Variants in ARMC2 observed in about 807,000 individuals in gnomAD.
The protein encoded by ARMC2 is armadillo repeat containing 2.
A neutral mutation model predicts 90.3 loss-of-function variants in ARMC2; 67 were observed. The ratio of observed to expected loss-of-function variants is 0.74; its 90% CI spans 0.61 to 0.91. The LOEUF is 0.91. ARMC2 is among the 40% of genes least tolerant of loss of function. The pLI is 0.00. For synonymous variants in ARMC2, 393 were observed against 393.0 expected, an observed-to-expected ratio of 1.00 and a Z score of 0.00; for missense variants, 920 against 1,030.9, an observed-to-expected ratio of 0.89 and a Z score of 1.47.
At chr6:108,945,565 A>C (rs921982362) in intron 12 of ARMC2, among the ~76,000 whole-genome samples, 11 of 152,114 alleles carry the variant, frequency 7.2e-5, no homozygotes, top group African/African-American at 2.2e-4. Context: ...GCCTTTGCAA[A>C]CCCTGGGAAC....
At chr6:108,869,103 TTAAC>T in intron 4 of ARMC2, 108 bp downstream of exon 4, 1 of 1,198,250 alleles carries the variant, frequency 8.3e-7, no homozygotes, top group African/African-American at 1.5e-5. Context: ...GATTTTTATA[TTAAC>T]TAAGATTAGT....
chr6:108,953,778 T>G (rs1011865865), intron 13 of ARMC2, among the ~76,000 whole-genome samples: 1 of 152,232 alleles, frequency 6.6e-6, no homozygotes, highest in Non-Finnish European at 1.5e-5. Flanking sequence ...ATTCCTTTTT[T>G]TTCCTCTTCA....
intron 5 of ARMC2, among the ~76,000 whole-genome samples, chr6:108,893,522 G>A (rs962240598): frequency 3.3e-5 from 5 of 152,164 alleles, no homozygotes; most frequent in Admixed American, 1.3e-4. Flanking sequence ...CAAAGGCTAA[G>A]CTTTTGTAAT....
chr6:108,934,122 A>G (rs563737222), intron 11 of ARMC2, among the ~76,000 whole-genome samples: 1 of 152,280 alleles, frequency 6.6e-6, no homozygotes, highest in East Asian at 1.9e-4. Context: ...TCAGCCTCCC[A>G]AAGTGCTGGA....
chr6:109,031,690 C>A, the ARMC2 span, among the ~76,000 whole-genome samples: 1 of 152,128 alleles, frequency 6.6e-6, no homozygotes, highest in African/African-American at 2.4e-5. Flanking sequence ...TGAAAGCTCC[C>A]AGGGTAGGAA....
intron 15 of ARMC2, among the ~76,000 whole-genome samples, chr6:108,962,555 C>G (rs1177522221): frequency 4.6e-5 from 7 of 152,086 alleles, no homozygotes; most frequent in Non-Finnish European, 1.0e-4. Context: ...CATTTAAAAG[C>G]AATAGGAGGA....
the ARMC2 span, among the ~76,000 whole-genome samples, chr6:109,038,960 G>A: frequency 6.9e-6 from 1 of 145,166 alleles, no homozygotes; most frequent in East Asian, 2.0e-4. Flanking sequence ...AAGGGAGAAG[G>A]GAGAAGAAGG....
At chr6:108,907,885 G>A (rs766955089) in intron 8 of ARMC2, 8 of 1,603,304 alleles carry the variant, frequency 5.0e-6, no homozygotes, top group South Asian at 3.3e-5. Context: ...TAGAGTCCTG[G>A]TGTCCGCTGT....
chr6:109,051,539 G>A, the ARMC2 span, among the ~76,000 whole-genome samples: 4 of 152,090 alleles, frequency 2.6e-5, no homozygotes, highest in Non-Finnish European at 5.9e-5. Context: ...CAAAGATGGG[G>A]TTCTAAAGTA....
intron 8 of ARMC2, among the ~76,000 whole-genome samples, chr6:108,907,035 G>T (rs571767765): frequency 6.6e-6 from 1 of 152,070 alleles, no homozygotes; most frequent in East Asian, 1.9e-4. Context: ...ATAATTTTAC[G>T]GTTAACAATG....
At chr6:109,035,074 A>G in the ARMC2 span, among the ~76,000 whole-genome samples, 3 of 152,116 alleles carry the variant, frequency 2.0e-5, no homozygotes, top group Non-Finnish European at 2.9e-5. Flanking sequence ...ATGTTAAGGG[A>G]GAGAAAAGGG....
At chr6:108,885,369 T>C (rs1777985337) in intron 5 of ARMC2, among the ~76,000 whole-genome samples, 1 of 152,134 alleles carries the variant, frequency 6.6e-6, no homozygotes, top group Non-Finnish European at 1.5e-5. Context: ...AGTGTTTGTG[T>C]ATAGCTGTTT....
intron 4 of ARMC2, among the ~76,000 whole-genome samples, chr6:108,871,046 C>T: frequency 6.6e-6 from 1 of 152,116 alleles, no homozygotes; most frequent in Non-Finnish European, 1.5e-5. Flanking sequence ...AGGAAGGTGC[C>T]TCATGAGAAG....
chr6:108,931,683 C>T (rs1775573520), intron 11 of ARMC2, among the ~76,000 whole-genome samples: 1 of 151,246 alleles, frequency 6.6e-6, no homozygotes, highest in Non-Finnish European at 1.5e-5. Context: ...TTGTATTTCT[C>T]TATGATACTG....
At chr6:108,901,131 T>G (rs1772100480) in intron 7 of ARMC2, among the ~76,000 whole-genome samples, 1 of 122,022 alleles carries the variant, frequency 8.2e-6, no homozygotes, top group South Asian at 2.8e-4. Flanking sequence ...TTTTTTTTTT[T>G]TTTTGAGACA....
intron 17 of ARMC2, among the ~76,000 whole-genome samples, chr6:108,973,145 A>T (rs1247207865): frequency 2.0e-5 from 3 of 152,114 alleles, no homozygotes; most frequent in African/African-American, 7.2e-5. Context: ...TGGGTAATAC[A>T]TGGAGACCCT....
rs1420230001 is a variant in ARMC2, at chr6:108,964,215, C to T, written c.2188C>T (p.His730Tyr). The T allele has an allele frequency of 6.2e-7, 1 of 1,613,964 alleles. No homozygotes were observed. The highest frequency in any genetic ancestry group is 1.7e-5 in the Admixed American group (1 of 60,012). ...RFMMALLDAQHQDICFSACGV... is the reference protein window; with the variant it reads ...RFMMALLDAQYQDICFSACGV... ...CATGATGGCGCTGCTGGATGCTCAG[C>T]ATCAGGATATCTGCTTTTCTGCCTG... The change falls in exon 16 of 18, where the codon CAT becomes TAT. Residue 730 changes from histidine (H) to tyrosine (Y), a missense_variant. By Grantham distance (83) the His-to-Tyr change is moderately conservative (BLOSUM62 2). Coordinates refer to ENST00000392644, the MANE Select transcript of ARMC2 (RefSeq NM_032131.6).
chr6:108,999,271 G>A, the ARMC2 span: 5 of 152,320 alleles, frequency 3.3e-5, no homozygotes, highest in African/African-American at 9.7e-5. Flanking sequence ...TCAATTCTGT[G>A]TCACTTCTGC....
the ARMC2 span, among the ~76,000 whole-genome samples, chr6:108,996,565 A>G: frequency 1.3e-5 from 2 of 152,202 alleles, no homozygotes; most frequent in Admixed American, 1.3e-4. Flanking sequence ...TTGATAAATT[A>G]TATTGAAATA....
Sources: gnomAD v4.1 joint callset for allele counts (sites outside exome capture counted in the v4.1 genomes callset) on GRCh38, gnomAD v4.1.1 for gene constraint, MANE v1.5 for transcripts, NCBI Gene and HGNC (gene_info 2026-07-23, HGNC 2026-07-21) for gene names.